Variants in RNF185 observed in about 807,000 individuals in gnomAD.
The protein encoded by RNF185 is ring finger protein 185, also known as E3 ubiquitin-protein ligase RNF185.
Under a neutral mutation model 24.9 loss-of-function variants are expected in RNF185, and 13 were observed. The observed-to-expected ratio is 0.52, with a 90% CI of 0.34 to 0.83. The LOEUF is 0.83. Ranked by LOEUF, RNF185 falls within the 40% of genes least tolerant of loss-of-function variation. RNF185 has a pLI of 0.01. For synonymous variants in RNF185, 79 were observed against 90.3 expected (o/e 0.88, Z 0.71); for missense variants, 184 against 244.7 (o/e 0.75, Z 1.65).
chr22:31,176,442 A>G (rs1001651895), intron 1 of RNF185, among the ~76,000 whole-genome samples: 2 of 148,716 alleles, frequency 1.3e-5, no homozygotes, highest in Non-Finnish European at 3.0e-5. Flanking sequence ...ACCTGGCCAC[A>G]TATATATTCA....
intron 1 of RNF185, among the ~76,000 whole-genome samples, chr22:31,170,881 C>T (rs2047922159): frequency 6.6e-6 from 1 of 151,644 alleles, no homozygotes; most frequent in South Asian, 2.1e-4. Context: ...AGGCTGGTCT[C>T]AAACTCTTGT....
chr22:31,194,673 A>G (rs1256732157), intron 3 of RNF185, among the ~76,000 whole-genome samples: 1 of 152,070 alleles, frequency 6.6e-6, no homozygotes, highest in Non-Finnish European at 1.5e-5. Flanking sequence ...GGTTGCAGTG[A>G]CCTGAGATCA....
rs2048062499 is a variant in RNF185, at chr22:31,183,651, A to C, written c.-48-3396A>C. 2.6e-5 allele frequency among the ~76,000 whole-genome samples: 4 copies of C among 152,292 alleles called. No individual in the cohort carries two copies. The South Asian group carries it at 8.3e-4, about 32-fold the overall frequency. On this transcript the variant is annotated intron_variant, in intron 1 of 6. Coordinates refer to ENST00000326132, the MANE Select transcript of RNF185 (RefSeq NM_152267.4). ...GCACATCTTGCACCGCCCTTAATCC[A>C]TTTAACCCTTAGTGGACACAGCACA... is the stretch of plus-strand genomic sequence containing the variant.
At chr22:31,184,626 A>G (rs551593288) in intron 1 of RNF185, among the ~76,000 whole-genome samples, 2 of 152,262 alleles carry the variant, frequency 1.3e-5, no homozygotes, top group East Asian at 1.9e-4. Flanking sequence ...CCTGGGCAAC[A>G]TTGAGCACTG....
intron 1 of RNF185, among the ~76,000 whole-genome samples, chr22:31,166,925 C>T (rs1247369460): frequency 1.3e-5 from 2 of 152,176 alleles, no homozygotes; most frequent in Non-Finnish European, 2.9e-5. Flanking sequence ...GTTGGGATTA[C>T]AGGCGTGAGC....
At chr22:31,193,528 T>G (rs2048175252) in intron 3 of RNF185, among the ~76,000 whole-genome samples, 1 of 152,170 alleles carries the variant, frequency 6.6e-6, no homozygotes, top group Admixed American at 6.5e-5. Flanking sequence ...GTGTGGTGGC[T>G]CACACCTATA....
intron 1 of RNF185, among the ~76,000 whole-genome samples, chr22:31,180,958 T>C (rs868128144): frequency 6.6e-6 from 1 of 151,200 alleles, no homozygotes; most frequent in Non-Finnish European, 1.5e-5. Flanking sequence ...TGTGTGTGTG[T>C]CTGCCTGTCT....
Position 31,174,572 on chromosome 22 carries a change from C to T in RNF185, c.-48-12475C>T, listed in dbSNP as rs2047963021. Among the ~76,000 whole-genome samples, 2 of 151,974 alleles carry T rather than the reference C, an allele frequency of 1.3e-5. 1 individual carries two copies. The highest frequency in any genetic ancestry group is 4.2e-4 in the South Asian group (2 of 4,814). On this transcript the variant is annotated intron_variant, in intron 1 of 6. Coordinates refer to ENST00000326132, the MANE Select transcript of RNF185 (RefSeq NM_152267.4). ...TTTTAAATTTTTTTGGTGATGGAGT[C>T]TCACTATATTGTTCAGGCTAGTTTT...
At chr22:31,165,355 CTGATGA>C (rs953445349) in intron 1 of RNF185, among the ~76,000 whole-genome samples, 1 of 152,022 alleles carries the variant, frequency 6.6e-6, no homozygotes, top group Non-Finnish European at 1.5e-5. Context: ...TCCTTAATGG[CTGATGA>C]TGATGATGAT....
chr22:31,172,036 G>A (rs1383035664), intron 1 of RNF185, among the ~76,000 whole-genome samples: 1 of 152,126 alleles, frequency 6.6e-6, no homozygotes, highest in Non-Finnish European at 1.5e-5. Context: ...AATTTAAAAA[G>A]TTTTCTACTT....
At chr22:31,165,067 C>T (rs1024028198) in intron 1 of RNF185, among the ~76,000 whole-genome samples, 14 of 151,320 alleles carry the variant, frequency 9.3e-5, no homozygotes, top group African/African-American at 2.4e-5. Flanking sequence ...TGCACCACCA[C>T]GCCCGGCTAA....
chr22:31,182,743 C>CG (rs57130646), intron 1 of RNF185, among the ~76,000 whole-genome samples: 10,825 of 151,930 alleles, frequency 0.071, 1,282 homozygotes, highest in African/African-American at 0.25. Flanking sequence ...TCTCGTATCT[C>CG]AATCTATAAC....
chr22:31,166,622 CCTT>C (rs546569176), intron 1 of RNF185, among the ~76,000 whole-genome samples: 56 of 149,500 alleles, frequency 3.7e-4, no homozygotes, highest in Admixed American at 6.0e-4. Flanking sequence ...TCCTCCTCCT[CCTT>C]CTTCTTCTTC....
intron 1 of RNF185, among the ~76,000 whole-genome samples, chr22:31,180,911 CTCTCTGTGTGTGTGTGTGTGTG>C (rs1453762711): frequency 1.6e-5 from 2 of 124,444 alleles, no homozygotes; most frequent in East Asian, 3.3e-4. Flanking sequence ...TTTTCTCTCT[CTCTCTGTGTGTGTGTGTGTGTG>C]TGTGTGTGTG....
intron 1 of RNF185, among the ~76,000 whole-genome samples, chr22:31,176,268 G>C (rs1173089328): frequency 6.8e-6 from 1 of 147,628 alleles, no homozygotes; most frequent in African/African-American, 2.5e-5. Context: ...ACAGAATCTC[G>C]CTCTGTCGCC....
chr22:31,165,852 T>G (rs970917733), intron 1 of RNF185, among the ~76,000 whole-genome samples: 1 of 152,198 alleles, frequency 6.6e-6, no homozygotes, highest in African/African-American at 2.4e-5. Context: ...GACTAGCTGC[T>G]CATAGCTACA....
chr22:31,172,747 T>TC (rs1555881006), intron 1 of RNF185, among the ~76,000 whole-genome samples: 1 of 23,170 alleles, frequency 4.3e-5, no homozygotes, highest in Non-Finnish European at 8.8e-5. Context: ...AGACCCCGTC[T>TC]CAAAAAAAAA....
rs934531333 is a variant in RNF185 at position 31,205,144 on chromosome 22, A to C, written c.*558A>C. 5.8e-6 allele frequency: 1 copy of C among 172,496 alleles called. No homozygotes were observed. The highest frequency in any genetic ancestry group is 2.4e-5 in the African/African-American group (1 of 41,510). The allele number at this position is 172,496 out of a possible 1,614,324, so 10.7% of individuals were successfully genotyped here. ...TAGAGATGCAAGAAATTGCTGTCCC[A>C]TAAAAATCATAATTGCAGTAGCTAA... On this transcript the variant is annotated 3_prime_UTR_variant, in exon 7 of 7. Transcript: ENST00000326132.
intron 1 of RNF185, among the ~76,000 whole-genome samples, chr22:31,179,991 T>G (rs558567786): frequency 6.6e-6 from 1 of 150,908 alleles, no homozygotes; most frequent in Admixed American, 6.7e-5. Flanking sequence ...GAAAAGAGAT[T>G]CAAATCATCA....
Sources: gnomAD v4.1 joint callset for allele counts (sites outside exome capture counted in the v4.1 genomes callset) on GRCh38, gnomAD v4.1.1 for gene constraint, MANE v1.5 for transcripts, NCBI Gene and HGNC (gene_info 2026-07-23, HGNC 2026-07-21) for gene names.